Variants in CCL1 observed in about 807,000 individuals in gnomAD.
The protein encoded by CCL1 is C-C motif chemokine ligand 1.
CCL1 carries 9 observed loss-of-function variants against 7.5 expected under a neutral mutation model. The observed-to-expected ratio is 1.20, with a 90% CI of 0.72 to 2.09. CCL1 has a LOEUF of 2.09. CCL1 is among the 30% of genes most tolerant of loss of function. CCL1 has a pLI of 0.00. For missense variants in CCL1, 110 were observed against 113.7 expected, an observed-to-expected ratio of 0.97 and a Z score of 0.15; for synonymous variants, 48 against 44.7, an observed-to-expected ratio of 1.07 and a Z score of -0.30.
intron 1 of CCL1, 100 bp downstream of exon 1, chr17:34,362,986 G>T: frequency 2.9e-6 from 3 of 1,029,750 alleles, no homozygotes; most frequent in South Asian, 1.4e-5. Flanking sequence ...AGGGGAGATA[G>T]AGTTGGTGAG....
chr17:34,362,646 A>G (rs1266941803), intron 1 of CCL1, among the ~76,000 whole-genome samples: 1 of 151,872 alleles, frequency 6.6e-6, no homozygotes, highest in Non-Finnish European at 1.5e-5. Flanking sequence ...GACATCATCA[A>G]CTCCATTTCA....
chr17:34,361,619 C>T (rs1196886724), intron 2 of CCL1, among the ~76,000 whole-genome samples, 166 bp downstream of exon 2: 8 of 152,248 alleles, frequency 5.3e-5, no homozygotes, highest in Admixed American at 3.3e-4. Context: ...TGCTAGGAAG[C>T]TCAGCGCTCC....
In CCL1 at chr17:34,361,908, A is replaced by G; in HGVS notation, c.77-12T>C. 1 of 1,557,018 alleles carries G rather than the reference A, an allele frequency of 6.4e-7. No homozygotes were observed. The highest frequency in any genetic ancestry group is 8.9e-7 in the Non-Finnish European group (1 of 1,129,076). ...GAAGGGTACCTGCACTAGAAGAGGA[A>G]CACAGACGATGGTTTGCATCCATTT... On this transcript the variant is annotated splice_polypyrimidine_tract_variant and intron_variant, in intron 1 of 2. Coordinates refer to ENST00000225842, the MANE Select transcript of CCL1 (RefSeq NM_002981.2).
At chr17:34,363,046 C>T (rs1381170137) in intron 1 of CCL1, 40 bp downstream of exon 1, 21 of 1,596,554 alleles carry the variant, frequency 1.3e-5, no homozygotes, top group Non-Finnish European at 1.7e-5. Context: ...ACGTTTCTGC[C>T]CTCCCCAGAG....
rs1237518431 is a variant in CCL1, at chr17:34,360,688, C to CT, written c.189-28dup. 4 of 1,579,978 alleles carry CT rather than the reference C, an allele frequency of 2.5e-6. No individual in the cohort carries two copies. The Admixed American group carries it at 6.7e-5, about 26-fold the overall frequency. On this transcript the variant is annotated intron_variant, in intron 2 of 2. Transcript: ENST00000225842. The stretch of plus-strand genomic sequence containing the variant: ...TGTGAACAGAGAATAAGAGAGAAGG[C>CT]TGAGCCACCCAAGCCACCACTGGGT...
intron 2 of CCL1, among the ~76,000 whole-genome samples, chr17:34,361,328 T>G (rs190611719): frequency 3.3e-5 from 5 of 152,300 alleles, no homozygotes; most frequent in Admixed American, 1.3e-4. Flanking sequence ...AAAGACCCTG[T>G]GATACAGCTA....
rs1910544675 is a variant in CCL1, at chr17:34,362,940, G to A, written c.76+146C>T. ...CTCCTACTAGCCCTCACCCCAGCCTGTCCAAGTTCACCATTCCTCCTCTTT... is the reference window on the plus strand; with the variant it reads ...CTCCTACTAGCCCTCACCCCAGCCTATCCAAGTTCACCATTCCTCCTCTTT... On this transcript the variant is annotated intron_variant, in intron 1 of 2. Transcript: ENST00000225842. The A allele has an allele frequency of 5.6e-6, 4 of 718,788 alleles. No homozygotes were observed. The South Asian group carries it at 6.9e-5, about 12-fold the overall frequency. 44.5% of individuals were successfully genotyped at this position (718,788 alleles called of 1,614,324 possible).
Position 34,360,527 on chromosome 17 carries a change from G to T in CCL1, c.*32C>A. The T allele has an allele frequency of 6.5e-7, 1 of 1,541,696 alleles. No homozygotes were observed. The highest frequency in any genetic ancestry group is 9.0e-7 in the Non-Finnish European group (1 of 1,113,862). On this transcript the variant is annotated 3_prime_UTR_variant, in exon 3 of 3. Transcript: ENST00000225842. The stretch of plus-strand genomic sequence containing the variant: ...TTTCGGGGACAGGTGAAGCCATGTG[G>T]TTTCCAGAGCCCACAATGGAAAGAA...
chr17:34,361,445 G>C (rs1438829933), intron 2 of CCL1, among the ~76,000 whole-genome samples: 2 of 152,170 alleles, frequency 1.3e-5, no homozygotes, highest in African/African-American at 4.8e-5. Flanking sequence ...CCAAATCCAG[G>C]GGCAGGAACT....
intron 2 of CCL1, among the ~76,000 whole-genome samples, chr17:34,361,394 C>T (rs1368366881): frequency 6.6e-6 from 1 of 152,198 alleles, no homozygotes; most frequent in Non-Finnish European, 1.5e-5. Flanking sequence ...CAATTCAGTA[C>T]AAAGGAGTTA....
At position 34,362,139 on chromosome 17, in the gene CCL1, T is replaced by C. The variant is rs147995394; in HGVS notation, c.77-243A>G. On this transcript the variant is annotated intron_variant, in intron 1 of 2. Coordinates refer to ENST00000225842, the MANE Select transcript of CCL1 (RefSeq NM_002981.2). ...CCCAGCTGAGTGGCCCTGAGGAAGA[T>C]GTGCCTTCACCCTGGCCCCAGACTT... Among the ~76,000 whole-genome samples, 566 of 152,244 alleles carry C rather than the reference T, an allele frequency of 3.7e-3. 1 individual carries two copies. The highest frequency in any genetic ancestry group is 0.013 in the African/African-American group (535 of 41,538).
At chr17:34,360,733 C>A in intron 2 of CCL1, 72 bp from the exon 3 acceptor site, 1 of 1,159,808 alleles carries the variant, frequency 8.6e-7, no homozygotes, top group African/African-American at 1.5e-5. Context: ...ACAAGCCCCG[C>A]CTCCTCCGGC....
chr17:34,362,029 G>T, intron 1 of CCL1, 133 bp from the exon 2 acceptor site: 1 of 577,316 alleles, frequency 1.7e-6, no homozygotes, highest in Middle Eastern at 2.7e-4. Flanking sequence ...AGACGGTGCC[G>T]GCATAGCTCT....
In CCL1 at chr17:34,360,570, T is replaced by A; in HGVS notation, c.280A>T (p.Lys94Ter). Residue 94 changes from lysine (K) to a stop codon, truncating the protein, a stop_gained, in exon 3 of 3, where the codon AAA (lysine) becomes TAA (stop). Coordinates refer to ENST00000225842, the MANE Select transcript of CCL1 (RefSeq NM_002981.2). LOFTEE classifies it high-confidence loss of function. Reference sequence around the variant, plus strand: ...GGAAAGAAATCTGCTCATTTTCTTTTTGACGGGCAGTGCCTCAGCATTTTT... The same window carrying A: ...GGAAAGAAATCTGCTCATTTTCTTTATGACGGGCAGTGCCTCAGCATTTTT... ...HRKMLRHCPS[K>*]RK The A allele has an allele frequency of 6.2e-7, 1 of 1,613,682 alleles. No individual in the cohort carries two copies. Among genetic ancestry groups the A allele is most frequent in the Non-Finnish European group, 8.5e-7 (1 of 1,179,716 alleles).
At position 34,363,178 on chromosome 17, in the gene CCL1, T is replaced by A; in HGVS notation, c.-17A>T. ...GATCTGCATGTCTTCTGGTCTGGCT[T>A]GGGCCTTCCTGGAGCAGCTTTGATG... On this transcript the variant is annotated 5_prime_UTR_variant, in exon 1 of 3. Coordinates refer to ENST00000225842, the MANE Select transcript of CCL1 (RefSeq NM_002981.2). 1 of 1,613,202 alleles carries A rather than the reference T, an allele frequency of 6.2e-7. No individual in the cohort carries two copies. Among genetic ancestry groups the A allele is most frequent in the Non-Finnish European group, 8.5e-7 (1 of 1,179,706 alleles).
chr17:34,362,982 G>A (rs890019074), intron 1 of CCL1, 104 bp downstream of exon 1: 7 of 994,356 alleles, frequency 7.0e-6, no homozygotes, highest in Middle Eastern at 2.1e-4. Context: ...GAAGAGGGGA[G>A]ATAGAGTTGG....
At chr17:34,362,032 A>G in intron 1 of CCL1, 136 bp from the exon 2 acceptor site, 1 of 574,426 alleles carries the variant, frequency 1.7e-6, no homozygotes, top group Non-Finnish European at 3.2e-6. Context: ...CGGTGCCGGC[A>G]TAGCTCTGCC....
rs533149708 is a variant in CCL1 at position 34,361,859 on chromosome 17, C to G, written c.114G>C (p.Ala38=). Reference sequence around the variant, plus strand: ...TTGCCCTCAGGGGAATCTCTTGCTCCGCAAATGAGAAGCAACATCTGGAGA... The same window carrying G: ...TTGCCCTCAGGGGAATCTCTTGCTCGGCAAATGAGAAGCAACATCTGGAGA... The part of the protein sequence containing the change: ...VPFSRCCFSF[A]EQEIPLRAIL... The change falls in exon 2 of 3, where the codon GCG becomes GCC. Residue 38 remains alanine, a synonymous_variant. Coordinates refer to ENST00000225842, the MANE Select transcript of CCL1 (RefSeq NM_002981.2). The G allele has an allele frequency of 7.1e-5, 114 of 1,612,706 alleles. No homozygotes were observed. In the East Asian group the frequency reaches 1.6e-3, roughly 23 times the overall value.
Position 34,360,512 on chromosome 17 carries a change from A to G in CCL1, c.*47T>C. On this transcript the variant is annotated 3_prime_UTR_variant, in exon 3 of 3. Coordinates refer to ENST00000225842, the MANE Select transcript of CCL1 (RefSeq NM_002981.2). ...GTGTAGGGCTGGTAGTTTCGGGGAC[A>G]GGTGAAGCCATGTGGTTTCCAGAGC... is the stretch of plus-strand genomic sequence containing the variant. 1 of 1,396,104 alleles carries G rather than the reference A, an allele frequency of 7.2e-7. No homozygotes were observed. The highest frequency in any genetic ancestry group is 1.0e-6 in the Non-Finnish European group (1 of 980,796). The allele number at this position is 1,396,104 out of a possible 1,614,324, so 86.5% of individuals were successfully genotyped here.
Sources: allele counts gnomAD v4.1 joint callset (sites outside exome capture counted in the v4.1 genomes callset), GRCh38; gene constraint gnomAD v4.1.1; transcripts MANE v1.5; gene names NCBI Gene and HGNC (gene_info 2026-07-23, HGNC 2026-07-21).